NME8: variants seen among roughly 807,000 people sequenced by gnomAD.
The protein encoded by NME8 is protein NME8.
NME8 carries 72 observed loss-of-function variants against 82.3 expected under a neutral mutation model. That is an observed-to-expected ratio of 0.87 (90% CI 0.72 to 1.06). NME8 has a LOEUF of 1.06. Among genes scored for constraint, NME8 ranks in the 50% least tolerant of loss-of-function variants. The pLI, the probability that NME8 is intolerant of heterozygous loss-of-function variation, is 0.00. For synonymous variants in NME8, 267 were observed against 228.5 expected (o/e 1.17, Z -1.52); for missense variants, 712 against 685.4 (o/e 1.04, Z -0.43).
chr7:37,849,342 A>G (rs1257268878), intron 2 of NME8, among the ~76,000 whole-genome samples: 1 of 152,176 alleles, frequency 6.6e-6, no homozygotes, highest in African/African-American at 2.4e-5. Context: ...TAATATAGGA[A>G]ACACTTTCTA....
intron 10 of NME8, among the ~76,000 whole-genome samples, chr7:37,866,146 C>G (rs955385236): frequency 2.0e-5 from 3 of 151,820 alleles, no homozygotes; most frequent in Non-Finnish European, 4.4e-5. Context: ...GTCAGGAGAC[C>G]TCACTTCTAG....
chr7:37,865,425 G>T (rs1784661696), intron 9 of NME8, 100 bp from the exon 10 acceptor site: 1 of 779,028 alleles, frequency 1.3e-6, no homozygotes, highest in South Asian at 1.4e-5. Flanking sequence ...TATAGAAAAT[G>T]TATTGAAAGC....
At chr7:37,856,985 T>C (rs1389634970) in intron 5 of NME8, among the ~76,000 whole-genome samples, 2 of 152,054 alleles carry the variant, frequency 1.3e-5, no homozygotes, top group Non-Finnish European at 2.9e-5. Context: ...GGAAGGATAG[T>C]TGAACAGGGA....
chr7:37,877,086 G>A, intron 12 of NME8, 79 bp downstream of exon 12: 1 of 1,206,728 alleles, frequency 8.3e-7, no homozygotes, highest in Non-Finnish European at 1.2e-6. Context: ...TGCATTTAAA[G>A]ACATTGTTTT....
intron 11 of NME8, 68 bp downstream of exon 11, chr7:37,867,966 A>ACTGAGGTG: frequency 7.6e-7 from 1 of 1,309,510 alleles, no homozygotes; most frequent in Non-Finnish European, 1.1e-6. Flanking sequence ...TAGTGTAGGC[A>ACTGAGGTG]CCTCAGTACC....
intron 5 of NME8, among the ~76,000 whole-genome samples, chr7:37,856,919 C>T (rs1784520334): frequency 6.6e-6 from 1 of 151,986 alleles, no homozygotes; most frequent in Non-Finnish European, 1.5e-5. Context: ...GGGGCAGTAA[C>T]GTGCTGTGCA....
Position 37,850,240 on chromosome 7 carries a change from C to A in NME8, c.-7-20C>A. On this transcript the variant is annotated intron_variant, in intron 2 of 17. Transcript: ENST00000199447. ...TTAAATTTCCTACTTAAAAATTTTTCTTTCTTTTTCCTATGATAGTAGATA... is the reference window on the plus strand; with the variant it reads ...TTAAATTTCCTACTTAAAAATTTTTATTTCTTTTTCCTATGATAGTAGATA... 1 of 919,256 alleles carries A rather than the reference C, an allele frequency of 1.1e-6. No individual in the cohort carries two copies. Among genetic ancestry groups the A allele is most frequent in the Non-Finnish European group, 1.5e-6 (1 of 662,360 alleles). The allele number at this position is 919,256 out of a possible 1,614,324, so 56.9% of individuals were successfully genotyped here.
intron 12 of NME8, among the ~76,000 whole-genome samples, chr7:37,881,301 A>G (rs1784941487): frequency 1.3e-5 from 2 of 152,160 alleles, no homozygotes; most frequent in Non-Finnish European, 2.9e-5. Context: ...GGATTTTTGA[A>G]GATGTTCTCT....
intron 12 of NME8, among the ~76,000 whole-genome samples, chr7:37,882,312 C>A (rs561348145): frequency 6.6e-6 from 1 of 151,950 alleles, no homozygotes; most frequent in Admixed American, 6.6e-5. Context: ...CGTGGTGAAA[C>A]CTCATCTCTA....
chr7:37,892,786 C>T (rs1462215251), intron 15 of NME8, among the ~76,000 whole-genome samples: 1 of 151,802 alleles, frequency 6.6e-6, no homozygotes, highest in Non-Finnish European at 1.5e-5. Context: ...GTTTGAAGTT[C>T]TGATTTATGA....
At chr7:37,861,897 C>T in intron 6 of NME8, 131 bp from the exon 7 acceptor site, 1 of 766,094 alleles carries the variant, frequency 1.3e-6, no homozygotes, top group East Asian at 2.5e-5. Flanking sequence ...ACGTTAATTA[C>T]CATAGCTAAA....
At chr7:37,888,235 G>A (rs779450722) in intron 14 of NME8, 42 bp from the exon 15 acceptor site, 1 of 1,591,268 alleles carries the variant, frequency 6.3e-7, no homozygotes, top group South Asian at 1.1e-5. Context: ...ATATTATTCT[G>A]TTCTGTTCTA....
chr7:37,862,565 G>A (rs1168473752), intron 7 of NME8, among the ~76,000 whole-genome samples: 1 of 151,776 alleles, frequency 6.6e-6, no homozygotes, highest in African/African-American at 2.4e-5. Context: ...AAATTTGTAA[G>A]AACATAAAAG....
intron 15 of NME8, among the ~76,000 whole-genome samples, chr7:37,891,870 T>A (rs1255652565): frequency 6.6e-6 from 1 of 152,090 alleles, no homozygotes; most frequent in African/African-American, 2.4e-5. Flanking sequence ...CTGCTTTAAA[T>A]GATATCCTAT....
At chr7:37,859,499 C>T (rs1474007975) in intron 6 of NME8, among the ~76,000 whole-genome samples, 6 of 152,174 alleles carry the variant, frequency 3.9e-5, no homozygotes, top group Admixed American at 2.6e-4. Flanking sequence ...TCTCCACAGC[C>T]CAGAAGTGAT....
At chr7:37,897,996 A>G (rs1462770189) in intron 17 of NME8, among the ~76,000 whole-genome samples, 1 of 152,246 alleles carries the variant, frequency 6.6e-6, no homozygotes, top group African/African-American at 2.4e-5. Flanking sequence ...AATGATTTAT[A>G]TTCCTTTGGG....
In NME8 at chr7:37,876,694, G is replaced by A. The variant is rs543169506; in HGVS notation, c.819-138G>A. On this transcript the variant is annotated intron_variant, in intron 11 of 17. Coordinates refer to ENST00000199447, the MANE Select transcript of NME8 (RefSeq NM_016616.5). ...ATATTCTTGGATATAATAGGGAGAT[G>A]CAATTTATCTTTACATGACATTTAA... 740 of 648,820 alleles carry A rather than the reference G, an allele frequency of 1.1e-3. 6 individuals carry two copies. In the South Asian group the frequency reaches 0.015, roughly 13 times the overall value. The allele number at this position is 648,820 out of a possible 1,614,324, so 40.2% of individuals were successfully genotyped here. A position where few individuals can be genotyped will look rare whatever the true frequency, so the allele number is the denominator to read the frequency against.
At chr7:37,876,668 CAT>C (rs1784857285) in intron 11 of NME8, among the ~76,000 whole-genome samples, 162 bp from the exon 12 acceptor site, 1 of 147,504 alleles carries the variant, frequency 6.8e-6, no homozygotes, top group African/African-American at 2.6e-5. Context: ...AATTAAGTAT[CAT>C]ATTCTTGGAT....
chr7:37,850,165 T>A, intron 2 of NME8, 95 bp from the exon 3 acceptor site: 1 of 940,474 alleles, frequency 1.1e-6, no homozygotes, highest in Non-Finnish European at 1.7e-6. Flanking sequence ...CCCACAAAAA[T>A]TAAAAATTGT....
Sources: gnomAD v4.1 joint callset for allele counts (sites outside exome capture counted in the v4.1 genomes callset) on GRCh38, gnomAD v4.1.1 for gene constraint, MANE v1.5 for transcripts, NCBI Gene and HGNC (gene_info 2026-07-23, HGNC 2026-07-21) for gene names.